ZNF234: variants seen among roughly 807,000 people sequenced by gnomAD.
The protein encoded by ZNF234 is zinc finger protein 234, also known as C2-H2 type zinc finger protein.
A neutral mutation model predicts 10.3 loss-of-function variants in ZNF234; 4 were observed. The ratio of observed to expected loss-of-function variants is 0.39; its 90% CI spans 0.19 to 0.89. The LOEUF is 0.89. Ranked by LOEUF, ZNF234 falls within the 40% of genes least tolerant of loss-of-function variation. ZNF234 has a pLI of 0.38. For synonymous variants in ZNF234, 258 were observed against 280.1 expected, an observed-to-expected ratio of 0.92 and a Z score of 0.79; for missense variants, 711 against 836.1, an observed-to-expected ratio of 0.85 and a Z score of 1.85.
rs1968877195 is a variant in ZNF234, at chr19:44,156,240, C to G, written c.236-12C>G. The stretch of plus-strand genomic sequence containing the variant: ...CAGAGCCTCCACATCTCTGAATTCT[C>G]TGTCCTTACAGCAGACAAGATCCAA... On this transcript the variant is annotated splice_polypyrimidine_tract_variant and intron_variant, in intron 5 of 5. Transcript: ENST00000426739. 1.3e-6 allele frequency: 2 copies of G among 1,529,214 alleles called. No individual in the cohort carries two copies. Among genetic ancestry groups the G allele is most frequent in the Non-Finnish European group, 1.7e-6 (2 of 1,143,216 alleles). The allele number at this position is 1,529,214 out of a possible 1,614,324, so 94.7% of individuals were successfully genotyped here. A position where few individuals can be genotyped will look rare whatever the true frequency, so the allele number is the denominator to read the frequency against.
rs760820455 is a variant in ZNF234, at chr19:44,156,605, G to A, written c.589G>A (p.Val197Ile). 1 of 1,614,146 alleles carries A rather than the reference G, an allele frequency of 6.2e-7. No individual in the cohort carries two copies. Among genetic ancestry groups the A allele is most frequent in the South Asian group, 1.1e-5 (1 of 91,084 alleles). The stretch of plus-strand genomic sequence containing the variant: ...CTCAGCCCTTCATATTCATCAAAGA[G>A]TCCACATGGGAGAGAAATGCTATAA... ...YISALHIHQRVHMGEKCYKCD... is the reference protein window; with the variant it reads ...YISALHIHQRIHMGEKCYKCD... The change falls in exon 6 of 6, where the codon GTC becomes ATC. Residue 197 changes from valine to isoleucine, a missense_variant. Transcript: ENST00000426739.
At position 44,158,472 on chromosome 19, in the gene ZNF234, G is replaced by A; in HGVS notation, c.*353G>A. On this transcript the variant is annotated 3_prime_UTR_variant, in exon 6 of 6. Coordinates refer to ENST00000426739, the MANE Select transcript of ZNF234 (RefSeq NM_006630.3). ...CTGGCCAGGCTGGTCTCAAACTCCTGACCTCATGTGATCCACCCACCTCGG... is the reference window on the plus strand; with the variant it reads ...CTGGCCAGGCTGGTCTCAAACTCCTAACCTCATGTGATCCACCCACCTCGG... The A allele has an allele frequency of 6.3e-6, 2 of 315,502 alleles. No individual in the cohort carries two copies. The highest frequency in any genetic ancestry group is 1.2e-5 in the Non-Finnish European group (2 of 164,106). 19.5% of individuals were successfully genotyped at this position (315,502 alleles called of 1,614,324 possible).
At chr19:44,151,900 TC>T (rs1482645064) in intron 5 of ZNF234, among the ~76,000 whole-genome samples, 1 of 152,190 alleles carries the variant, frequency 6.6e-6, no homozygotes, top group Non-Finnish European at 1.5e-5. Context: ...CAACCTTAAT[TC>T]CCTCTGCAAC....
In ZNF234 at chr19:44,157,812, G is replaced by A; in HGVS notation, c.1796G>A (p.Gly599Glu). 1 of 1,609,744 alleles carries A rather than the reference G, an allele frequency of 6.2e-7. No homozygotes were observed. Among genetic ancestry groups the A allele is most frequent in the Non-Finnish European group, 8.5e-7 (1 of 1,178,620 alleles). ...VHTGEKPYTC[G>E]ECGKHFSQAS... is the part of the protein sequence containing the mutation. The stretch of plus-strand genomic sequence containing the variant: ...ACAGGAGAAAAACCCTATACATGTG[G>A]GGAGTGTGGGAAGCACTTCAGTCAG... The change falls in exon 6 of 6, where the codon GGG becomes GAG. Residue 599 changes from glycine to glutamate, a missense_variant. Coordinates refer to ENST00000426739, the MANE Select transcript of ZNF234 (RefSeq NM_006630.3).
rs1157404963 is a variant in ZNF234 at position 44,157,848 on chromosome 19, T to A, written c.1832T>A (p.Leu611His). 6.2e-7 allele frequency: 1 copy of A among 1,614,090 alleles called. No homozygotes were observed. The highest frequency in any genetic ancestry group is 1.7e-5 in the Admixed American group (1 of 60,010). The change falls in exon 6 of 6, where the codon CTC (leucine) becomes CAC (histidine). Residue 611 changes from leucine (L) to histidine (H), a missense_variant. Coordinates refer to ENST00000426739, the MANE Select transcript of ZNF234 (RefSeq NM_006630.3). The stretch of plus-strand genomic sequence containing the variant: ...AAGCACTTCAGTCAGGCCTCAAGTC[T>A]CCAACTTCATCAGAGTGTCCACACA... Reference protein sequence around the residue: ...CGKHFSQASSLQLHQSVHTGE... With the variant: ...CGKHFSQASSHQLHQSVHTGE...
In ZNF234 at chr19:44,157,821, G is replaced by A. The variant is rs149435176; in HGVS notation, c.1805G>A (p.Gly602Glu). Residue 602 changes from glycine to glutamate, a missense_variant, in exon 6 of 6, where the codon GGG becomes GAG. Gly to Glu is a moderately conservative substitution (Grantham distance 98). Coordinates refer to ENST00000426739, the MANE Select transcript of ZNF234 (RefSeq NM_006630.3). ...GEKPYTCGEC[G>E]KHFSQASSLQ... ...AAACCCTATACATGTGGGGAGTGTG[G>A]GAAGCACTTCAGTCAGGCCTCAAGT... is the stretch of plus-strand genomic sequence containing the variant. 7,439 of 1,614,070 alleles carry A rather than the reference G, an allele frequency of 4.6e-3. 32 individuals carry two copies. Among genetic ancestry groups the A allele is most frequent in the Middle Eastern group, 0.012 (71 of 6,062 alleles).
At chr19:44,147,555 C>T (rs907839910) in intron 3 of ZNF234, among the ~76,000 whole-genome samples, 2 of 151,740 alleles carry the variant, frequency 1.3e-5, no homozygotes, top group African/African-American at 4.8e-5. Flanking sequence ...ATTTTAAATA[C>T]ACACGAAGGT....
intron 5 of ZNF234, among the ~76,000 whole-genome samples, chr19:44,153,171 T>TATATATATATATATATATAC (rs1968790184): frequency 7.0e-6 from 1 of 141,932 alleles, no homozygotes; most frequent in Non-Finnish European, 1.5e-5. Context: ...TCATCATATA[T>TATATATATATATATATATAC]ATATATATAT....
Position 44,157,557 on chromosome 19 carries a change from G to A in ZNF234, c.1541G>A (p.Cys514Tyr). The A allele has an allele frequency of 6.2e-7, 1 of 1,614,196 alleles. No homozygotes were observed. The highest frequency in any genetic ancestry group is 8.5e-7 in the Non-Finnish European group (1 of 1,180,038). The change falls in exon 6 of 6, where the codon TGT (cysteine) becomes TAT (tyrosine). Residue 514 changes from cysteine (C) to tyrosine (Y), a missense_variant. Coordinates refer to ENST00000426739, the MANE Select transcript of ZNF234 (RefSeq NM_006630.3). Reference protein sequence around the residue: ...RIHTGEKPYNCEECGKVFSQA... With the variant: ...RIHTGEKPYNYEECGKVFSQA... ...CACACAGGGGAGAAACCATATAATTGTGAGGAGTGTGGGAAGGTCTTCAGT... is the reference window on the plus strand; with the variant it reads ...CACACAGGGGAGAAACCATATAATTATGAGGAGTGTGGGAAGGTCTTCAGT...
intron 3 of ZNF234, among the ~76,000 whole-genome samples, chr19:44,148,035 T>C (rs1968644713): frequency 6.6e-6 from 1 of 152,182 alleles, no homozygotes; most frequent in Non-Finnish European, 1.5e-5. Flanking sequence ...ATGATGATGG[T>C]AATAATAATA....
intron 2 of ZNF234, among the ~76,000 whole-genome samples, chr19:44,144,112 G>A (rs1420887172): frequency 6.7e-6 from 1 of 149,780 alleles, no homozygotes; most frequent in Non-Finnish European, 1.5e-5. Context: ...TCATCATTTA[G>A]TTTAGATCAT....
intron 5 of ZNF234, among the ~76,000 whole-genome samples, chr19:44,154,263 C>G (rs1362800839): frequency 6.6e-6 from 1 of 152,092 alleles, no homozygotes; most frequent in Non-Finnish European, 1.5e-5. Context: ...TTTTCTTCTC[C>G]CTGTCTCCAT....
chr19:44,150,537 G>A (rs749246945), intron 5 of ZNF234, 32 bp downstream of exon 5: 12 of 1,513,744 alleles, frequency 7.9e-6, no homozygotes, highest in South Asian at 1.2e-5. Context: ...GTCCTTGTAC[G>A]TGATTGTCCA....
chr19:44,143,864 A>T (rs1409395384), intron 2 of ZNF234, among the ~76,000 whole-genome samples: 1 of 152,230 alleles, frequency 6.6e-6, no homozygotes, highest in Non-Finnish European at 1.5e-5. Context: ...TATACTTGTT[A>T]GTGGGCAACA....
At position 44,157,465 on chromosome 19, in the gene ZNF234, A is replaced by G. The variant is rs749256060; in HGVS notation, c.1449A>G (p.Pro483=). ...AGCTGATCCATACCGGTGAGAAACCATACAAATGTGAAGAGTGCGGAAAGG... is the reference window on the plus strand; with the variant it reads ...AGCTGATCCATACCGGTGAGAAACCGTACAAATGTGAAGAGTGCGGAAAGG... ...IHQLIHTGEK[P]YKCEECGKGF... is the part of the protein sequence containing the mutation. Residue 483 remains proline, a synonymous_variant, in exon 6 of 6, where the codon CCA becomes CCG. Coordinates refer to ENST00000426739, the MANE Select transcript of ZNF234 (RefSeq NM_006630.3). The G allele has an allele frequency of 7.4e-6, 12 of 1,613,934 alleles. No individual in the cohort carries two copies. Among genetic ancestry groups the G allele is most frequent in the Admixed American group, 1.7e-5 (1 of 60,008 alleles).
At chr19:44,146,745 T>A (rs758775617) in intron 3 of ZNF234, among the ~76,000 whole-genome samples, 2 of 151,334 alleles carry the variant, frequency 1.3e-5, no homozygotes, top group Non-Finnish European at 3.0e-5. Flanking sequence ...CATTGGAAAA[T>A]TTATAACCTG....
intron 3 of ZNF234, among the ~76,000 whole-genome samples, chr19:44,147,559 C>T (rs1051332755): frequency 7.2e-5 from 11 of 151,950 alleles, no homozygotes; most frequent in African/African-American, 2.4e-4. Flanking sequence ...TAAATACACA[C>T]GAAGGTAAGA....
intron 2 of ZNF234, among the ~76,000 whole-genome samples, chr19:44,143,384 C>T (rs911137567): frequency 6.6e-6 from 1 of 151,856 alleles, no homozygotes; most frequent in Admixed American, 6.6e-5. Flanking sequence ...CCGAGGCGGG[C>T]GGATCACGAG....
In ZNF234 at chr19:44,157,315, TG is replaced by T; in HGVS notation, c.1301del (p.Gly434ValfsTer14). 5.0e-6 allele frequency: 8 copies of T among 1,613,934 alleles called. No individual in the cohort carries two copies. The highest frequency in any genetic ancestry group is 5.9e-6 in the Non-Finnish European group (7 of 1,179,872). On this transcript the variant is annotated frameshift_variant, in exon 6 of 6. Coordinates refer to ENST00000426739, the MANE Select transcript of ZNF234 (RefSeq NM_006630.3). LOFTEE classifies it low-confidence loss of function (END_TRUNC). ...AAAAACCCTATAAATGTGAAGTATG[TG>T]GTAAAGCCTTCCGTCAGAGTTCATA... ...GEKPYKCEVC[G>X]KAFRQSSYLK...
Sources: allele counts gnomAD v4.1 joint callset (sites outside exome capture counted in the v4.1 genomes callset), GRCh38; gene constraint gnomAD v4.1.1; transcripts MANE v1.5; gene names NCBI Gene and HGNC (gene_info 2026-07-23, HGNC 2026-07-21).